The following PITPNA variants were observed in gnomAD, a reference collection of about 807,000 sequenced individuals.
The protein encoded by PITPNA is phosphatidylinositol transfer protein alpha isoform.
PITPNA carries 13 observed loss-of-function variants against 50.3 expected under a neutral mutation model. The observed-to-expected ratio is 0.26, with a 90% confidence interval of 0.17 to 0.41. The LOEUF is 0.41. PITPNA is among the 10% of genes least tolerant of loss of function. The probability of loss-of-function intolerance (pLI) is 1.00; values close to 1 mark genes in which losing one functional copy is unlikely to be tolerated. For missense variants in PITPNA, 207 were observed against 333.4 expected, an observed-to-expected ratio of 0.62 and a Z score of 2.95; for synonymous variants, 120 against 119.6, an observed-to-expected ratio of 1.00 and a Z score of -0.02.
chr17:1,531,998 G>C (rs1261741599), intron 10 of PITPNA, among the ~76,000 whole-genome samples: 1 of 152,154 alleles, frequency 6.6e-6, no homozygotes. Flanking sequence ...ATTCCAAAGA[G>C]AGTTTCTTCT....
intron 4 of PITPNA, among the ~76,000 whole-genome samples, chr17:1,543,403 C>G (rs567060503): frequency 6.6e-6 from 1 of 152,192 alleles, no homozygotes; most frequent in Non-Finnish European, 1.5e-5. Context: ...CTCTACCTCC[C>G]GGGGCACAGA....
At chr17:1,556,906 C>T (rs2075737641) in intron 2 of PITPNA, among the ~76,000 whole-genome samples, 1 of 151,992 alleles carries the variant, frequency 6.6e-6, no homozygotes, top group Non-Finnish European at 1.5e-5. Context: ...CCAGCGTGGA[C>T]AACAGAGTGA....
At chr17:1,532,338 T>C (rs1451295861) in intron 10 of PITPNA, among the ~76,000 whole-genome samples, 3 of 152,082 alleles carry the variant, frequency 2.0e-5, no homozygotes, top group Non-Finnish European at 4.4e-5. Flanking sequence ...CTGCCCACCT[T>C]AGCCTCCCAA....
chr17:1,518,971 G>A lies in PITPNA; in HGVS notation c.*1590C>T, dbSNP rs2075491610. ...GGAAGGTGTCTGTAACAAGACATCTGGTTCCAAAGGGACCTCAATGAAGGT... is the reference window on the plus strand; with the variant it reads ...GGAAGGTGTCTGTAACAAGACATCTAGTTCCAAAGGGACCTCAATGAAGGT... On this transcript the variant is annotated 3_prime_UTR_variant, in exon 12 of 12. Coordinates refer to ENST00000313486, the MANE Select transcript of PITPNA (RefSeq NM_006224.4). The A allele has an allele frequency of 6.6e-6, 1 of 152,232 alleles. No individual in the cohort carries two copies. Among genetic ancestry groups the A allele is most frequent in the African/African-American group, 2.4e-5 (1 of 41,440 alleles). The allele number at this position is 152,232 out of a possible 1,614,324, so 9.4% of individuals were successfully genotyped here.
At chr17:1,544,583 G>A (rs552666718) in intron 4 of PITPNA, among the ~76,000 whole-genome samples, 5 of 152,288 alleles carry the variant, frequency 3.3e-5, no homozygotes, top group African/African-American at 7.2e-5. Flanking sequence ...CAGAAAAGCC[G>A]CAGGAAATCT....
At chr17:1,538,552 A>C (rs79231249) in intron 7 of PITPNA, 7,065 of 205,272 alleles carry the variant, frequency 0.034, 540 homozygotes, top group African/African-American at 0.15. Context: ...TGGAAAAATA[A>C]ATTTGAGAAG....
chr17:1,561,941 G>A (rs1019805547), intron 1 of PITPNA, among the ~76,000 whole-genome samples: 16 of 152,138 alleles, frequency 1.1e-4, no homozygotes, highest in African/African-American at 2.9e-4. Context: ...CCGCCGGGAG[G>A]CCCTGCCTGC....
chr17:1,530,844 C>A (rs2075577639), intron 10 of PITPNA, among the ~76,000 whole-genome samples: 1 of 152,178 alleles, frequency 6.6e-6, no homozygotes, highest in African/African-American at 2.4e-5. Flanking sequence ...AAAGCTGAAC[C>A]TAAGTGCCTG....
chr17:1,562,516 T>C lies in PITPNA; in HGVS notation c.20+25A>G. The stretch of plus-strand genomic sequence containing the variant: ...CGTCCCCACCCTCCCTCCTCCCCGC[T>C]TCCGCACGGCCGCCGGACACTCACT... On this transcript the variant is annotated intron_variant, in intron 1 of 11. Coordinates refer to ENST00000313486, the MANE Select transcript of PITPNA (RefSeq NM_006224.4). This position sits in a 1 kb window ranked among gnomAD's most constrained non-coding sequence, Gnocchi z 6.4. The C allele has an allele frequency of 7.9e-7, 1 of 1,270,270 alleles. No homozygotes were observed. The highest frequency in any genetic ancestry group is 1.0e-6 in the Non-Finnish European group (1 of 954,994). The allele number at this position is 1,270,270 out of a possible 1,614,324, so 78.7% of individuals were successfully genotyped here. A position where few individuals can be genotyped will look rare whatever the true frequency, so the allele number is the denominator to read the frequency against.
intron 7 of PITPNA, among the ~76,000 whole-genome samples, chr17:1,536,433 G>A (rs1291733566): frequency 1.3e-5 from 2 of 151,162 alleles, no homozygotes; most frequent in East Asian, 2.0e-4. Context: ...GACGACAGGT[G>A]CCCGCCACCA....
intron 7 of PITPNA, among the ~76,000 whole-genome samples, chr17:1,536,478 AC>A (rs2075617424): frequency 6.6e-6 from 1 of 151,700 alleles, no homozygotes; most frequent in African/African-American, 2.4e-5. Context: ...TTTAGTAGAG[AC>A]GGGGTTTCAC....
rs568815086 is a variant in PITPNA, at chr17:1,532,091, TTTC to T, written c.768+2005_768+2007del. 1.9e-3 allele frequency among the ~76,000 whole-genome samples: 289 copies of T among 152,164 alleles called. 1 individual carries two copies. Among genetic ancestry groups the T allele is most frequent in the African/African-American group, 6.7e-3 (277 of 41,452 alleles). On this transcript the variant is annotated intron_variant, in intron 10 of 11. Coordinates refer to ENST00000313486, the MANE Select transcript of PITPNA (RefSeq NM_006224.4). Reference sequence around the variant, plus strand: ...GAATGGAGAAAGATTTTCTTTTCTTTTTCTTTTTTTCCTTGAGACGGAGTCTTG... The same window carrying T: ...GAATGGAGAAAGATTTTCTTTTCTTTTTTTTTTCCTTGAGACGGAGTCTTG...
At chr17:1,559,881 A>C (rs955939392) in intron 1 of PITPNA, 2 of 571,412 alleles carry the variant, frequency 3.5e-6, no homozygotes, top group African/African-American at 4.1e-5. Context: ...CAGTTTACTG[A>C]ATGCTGCCAG....
chr17:1,535,740 CAG>C, intron 7 of PITPNA: 1 of 562,586 alleles, frequency 1.8e-6, no homozygotes, highest in Non-Finnish European at 3.2e-6. Flanking sequence ...TCCATTTTGC[CAG>C]TGTGAAAGTA....
At chr17:1,534,023 T>C (rs2075600035) in intron 10 of PITPNA, 76 bp downstream of exon 10, 1 of 1,553,240 alleles carries the variant, frequency 6.4e-7, no homozygotes, top group African/African-American at 1.4e-5. Context: ...GTGCTCTCGG[T>C]GAAGCGCCCC....
Position 1,518,443 on chromosome 17 carries a change from A to C in PITPNA, c.*2118T>G, listed in dbSNP as rs1271174741. The C allele has an allele frequency of 6.6e-6, 1 of 152,666 alleles. No individual in the cohort carries two copies. The highest frequency in any genetic ancestry group is 1.5e-5 in the Non-Finnish European group (1 of 68,052). 9.5% of individuals were successfully genotyped at this position (152,666 alleles called of 1,614,324 possible). A position where few individuals can be genotyped will look rare whatever the true frequency, so the allele number is the denominator to read the frequency against. On this transcript the variant is annotated 3_prime_UTR_variant, in exon 12 of 12. Transcript: ENST00000313486. ...GAGGAGGAAAGGGGGTACTTAAAAG[A>C]AGCCAACACTGTTGCCCAGCAGCAA...
intron 4 of PITPNA, among the ~76,000 whole-genome samples, chr17:1,545,845 C>T (rs1007358386): frequency 1.2e-4 from 18 of 151,048 alleles, no homozygotes; most frequent in African/African-American, 3.7e-4. Flanking sequence ...ATGCTCACTG[C>T]GACTCTCTTA....
At chr17:1,538,042 C>T (rs530646607) in intron 7 of PITPNA, among the ~76,000 whole-genome samples, 11 of 152,168 alleles carry the variant, frequency 7.2e-5, no homozygotes, top group Admixed American at 1.3e-4. Context: ...CTCAGATGAT[C>T]GGTCACCTTG....
At chr17:1,526,291 G>A (rs73296903) in intron 10 of PITPNA, among the ~76,000 whole-genome samples, 15,731 of 152,180 alleles carry the variant, frequency 0.1, 928 homozygotes, top group East Asian at 0.14. Flanking sequence ...CTCCACAAAC[G>A]CCAAAATCGC....
Sources: allele counts gnomAD v4.1 joint callset (sites outside exome capture counted in the v4.1 genomes callset), GRCh38; gene constraint gnomAD v4.1.1; non-coding constraint Gnocchi (gnomAD v3.1); transcripts MANE v1.5; gene names NCBI Gene and HGNC (gene_info 2026-07-23, HGNC 2026-07-21).